Variants in SPATA6 observed in about 807,000 individuals in gnomAD.
The protein encoded by SPATA6 is spermatogenesis associated 6.
Under a neutral mutation model 65.3 loss-of-function variants are expected in SPATA6, and 56 were observed. The observed-to-expected ratio is 0.86, with a 90% CI of 0.69 to 1.07. The LOEUF is 1.07. SPATA6 is among the 50% of genes least tolerant of loss of function. The pLI is 0.00. For missense variants in SPATA6, 590 were observed against 594.8 expected (o/e 0.99, Z 0.08); for synonymous variants, 199 against 213.2 (o/e 0.93, Z 0.58).
intron 8 of SPATA6, among the ~76,000 whole-genome samples, chr1:48,386,287 G>A (rs999417228): frequency 6.6e-6 from 1 of 152,152 alleles, no homozygotes; most frequent in African/African-American, 2.4e-5. Context: ...CATTCTACAT[G>A]TAGATTTGGA....
At chr1:48,396,493 A>G (rs1421256374) in intron 7 of SPATA6, among the ~76,000 whole-genome samples, 1 of 151,748 alleles carries the variant, frequency 6.6e-6, no homozygotes, top group Non-Finnish European at 1.5e-5. Context: ...TACTCATAAT[A>G]TCCAAAAGAT....
At chr1:48,285,065 A>T in the SPATA6 span, among the ~76,000 whole-genome samples, 2 of 152,004 alleles carry the variant, frequency 1.3e-5, no homozygotes, top group Non-Finnish European at 2.9e-5. Context: ...TCCCAGGGAG[A>T]TGGGAATTTT....
chr1:48,450,063 C>A (rs1656423036), intron 3 of SPATA6, among the ~76,000 whole-genome samples: 1 of 150,714 alleles, frequency 6.6e-6, no homozygotes, highest in South Asian at 2.1e-4. Flanking sequence ...AAAAAGACTG[C>A]AAAACAGTAC....
chr1:48,316,403 G>C (rs1226837302), intron 11 of SPATA6, among the ~76,000 whole-genome samples: 1 of 152,064 alleles, frequency 6.6e-6, no homozygotes, highest in Non-Finnish European at 1.5e-5. Context: ...TCTGATCTTT[G>C]ACAAACGTGA....
At chr1:48,407,086 T>C (rs1200313448) in intron 5 of SPATA6, among the ~76,000 whole-genome samples, 1 of 152,260 alleles carries the variant, frequency 6.6e-6, no homozygotes, top group African/African-American at 2.4e-5. Flanking sequence ...TCAGTTTATA[T>C]ATGTTCTATG....
intron 3 of SPATA6, chr1:48,436,119 T>A (rs1337659506): frequency 1.7e-5 from 27 of 1,610,084 alleles, no homozygotes; most frequent in Non-Finnish European, 2.1e-5. Context: ...AAGTACTATG[T>A]TCCACCAACG....
the SPATA6 span, among the ~76,000 whole-genome samples, chr1:48,274,751 T>C: frequency 1.0e-3 from 159 of 152,326 alleles, no homozygotes; most frequent in African/African-American, 3.7e-3. Context: ...AGCCTTGTAG[T>C]ATAATTTAAA....
chr1:48,399,454 A>G lies in SPATA6; in HGVS notation c.677T>C (p.Met226Thr). ...HSPSPYTKRR[M>T]CELSEDTRRR... is the part of the protein sequence containing the mutation. ...CCTGGTGTCTTCAGATAGCTCACAC[A>G]TGCGTCTTTTTGTGTAGGGAGATGG... is the stretch of plus-strand genomic sequence containing the variant. The change falls in exon 7 of 13, where the codon ATG becomes ACG. Residue 226 changes from methionine (M) to threonine (T), a missense_variant. Met to Thr is a moderately conservative substitution (Grantham distance 81). Coordinates refer to ENST00000371847, the MANE Select transcript of SPATA6 (RefSeq NM_019073.4). The G allele has an allele frequency of 6.2e-7, 1 of 1,613,280 alleles. No homozygotes were observed. The highest frequency in any genetic ancestry group is 1.1e-5 in the South Asian group (1 of 91,068).
intron 11 of SPATA6, among the ~76,000 whole-genome samples, chr1:48,332,156 T>C (rs1645934340): frequency 6.6e-6 from 1 of 152,176 alleles, no homozygotes; most frequent in African/African-American, 2.4e-5. Context: ...GTGACACTTA[T>C]AAAGCCACCA....
intron 3 of SPATA6, among the ~76,000 whole-genome samples, chr1:48,442,343 G>A (rs990929087): frequency 1.3e-5 from 2 of 152,110 alleles, no homozygotes; most frequent in African/African-American, 4.8e-5. Flanking sequence ...AAGAAACGGA[G>A]TTCCTAACCA....
chr1:48,325,291 G>A, intron 11 of SPATA6: 1 of 1,062,984 alleles, frequency 9.4e-7, no homozygotes, highest in East Asian at 2.4e-5. Flanking sequence ...CTGTCTTGTG[G>A]AAACTGGGAG....
At chr1:48,293,654 C>G (rs1318588896), downstream of SPATA6, among the ~76,000 whole-genome samples, 1 of 152,182 alleles carries the variant, frequency 6.6e-6, no homozygotes, top group African/African-American at 2.4e-5. Context: ...TTTTAGAGAA[C>G]AGTATATCAG....
chr1:48,292,049 T>A (rs1427599363), downstream of SPATA6, among the ~76,000 whole-genome samples: 1 of 152,256 alleles, frequency 6.6e-6, no homozygotes, highest in Non-Finnish European at 1.5e-5. Context: ...GGCAGCTAAC[T>A]CATGAATACC....
rs377346607 is a variant in SPATA6, at chr1:48,359,827, CAT to C, written c.910-59_910-58del. The stretch of plus-strand genomic sequence containing the variant: ...CAAATACAGATACATATGTATATAA[CAT>C]ATTATATAGTAATATAGTATGCATA... On this transcript the variant is annotated intron_variant, in intron 9 of 12. Transcript: ENST00000371847. The C allele has an allele frequency of 1.1e-3, 1,533 of 1,335,896 alleles. 15 individuals carry two copies. The African/African-American group carries it at 0.02, about 18-fold the overall frequency. The allele number at this position is 1,335,896 out of a possible 1,614,324, so 82.8% of individuals were successfully genotyped here.
chr1:48,441,192 G>A (rs1328697220), intron 3 of SPATA6, among the ~76,000 whole-genome samples: 1 of 152,204 alleles, frequency 6.6e-6, no homozygotes, highest in Non-Finnish European at 1.5e-5. Flanking sequence ...GACTGAGGGT[G>A]CCCAGGGCAA....
the SPATA6 span, among the ~76,000 whole-genome samples, chr1:48,276,090 C>A: frequency 6.6e-6 from 1 of 152,132 alleles, no homozygotes; most frequent in African/African-American, 2.4e-5. Context: ...GGAATTTATC[C>A]ATTTCTTCTA....
chr1:48,294,979 T>C (rs1450672013), downstream of SPATA6, among the ~76,000 whole-genome samples: 2 of 152,224 alleles, frequency 1.3e-5, no homozygotes, highest in South Asian at 4.1e-4. Context: ...ACCAAACGAC[T>C]GCAAATGTTT....
intron 11 of SPATA6, among the ~76,000 whole-genome samples, chr1:48,326,521 C>CA (rs1330859768): frequency 0.12 from 9,466 of 80,006 alleles, 295 homozygotes; most frequent in African/African-American, 0.13. Context: ...TCATATGAAA[C>CA]AAAAAAAAAA....
At chr1:48,428,512 A>G (rs745697285) in intron 3 of SPATA6, among the ~76,000 whole-genome samples, 19 of 152,204 alleles carry the variant, frequency 1.2e-4, no homozygotes, top group Admixed American at 4.6e-4. Flanking sequence ...CACATATATT[A>G]TATTAAGAAA....
Sources: allele counts gnomAD v4.1 joint callset (sites outside exome capture counted in the v4.1 genomes callset), GRCh38; gene constraint gnomAD v4.1.1; transcripts MANE v1.5; gene names NCBI Gene and HGNC (gene_info 2026-07-23, HGNC 2026-07-21).